EPHB2: variants seen among roughly 807,000 people sequenced by gnomAD.
EPHB2 encodes the protein EPH receptor B2.
EPHB2 carries 18 observed loss-of-function variants against 96.4 expected under a neutral mutation model. That is an observed-to-expected ratio of 0.19 (90% CI 0.13 to 0.28). EPHB2 has a LOEUF of 0.28. EPHB2 is among the 10% of genes least tolerant of loss of function. The probability of loss-of-function intolerance (pLI) is 1.00; values close to 1 mark genes in which losing one functional copy is unlikely to be tolerated. For missense variants in EPHB2, 989 were observed against 1,355.4 expected, an observed-to-expected ratio of 0.73 and a Z score of 4.25; for synonymous variants, 506 against 534.1, an observed-to-expected ratio of 0.95 and a Z score of 0.72.
At chr1:22,896,345 C>A in intron 8 of EPHB2, 69 bp from the exon 9 acceptor site, 2 of 1,606,298 alleles carry the variant, frequency 1.2e-6, no homozygotes, top group South Asian at 2.2e-5. Flanking sequence ...CTCTCCCTAT[C>A]ACCTACTGTG....
chr1:22,732,781 C>A (rs1026873200), intron 1 of EPHB2, among the ~76,000 whole-genome samples: 2 of 152,186 alleles, frequency 1.3e-5, no homozygotes, highest in Non-Finnish European at 2.9e-5. Context: ...GCTCCTCCTG[C>A]GTTCCTGGGC....
chr1:22,843,507 C>T (rs575787394), intron 3 of EPHB2, among the ~76,000 whole-genome samples: 6 of 152,214 alleles, frequency 3.9e-5, no homozygotes, highest in Admixed American at 1.3e-4. Flanking sequence ...ACCCTCCACC[C>T]TCAAGTAGGC....
intron 15 of EPHB2, chr1:22,912,877 AT>A: frequency 2.2e-6 from 1 of 460,214 alleles, no homozygotes; most frequent in Admixed American, 3.2e-5. Context: ...TGAGGGAGAT[AT>A]AAAGGAAGCG....
intron 9 of EPHB2, among the ~76,000 whole-genome samples, chr1:22,896,951 T>C (rs1639584994): frequency 6.6e-6 from 1 of 152,146 alleles, no homozygotes; most frequent in Non-Finnish European, 1.5e-5. Context: ...AATAAATGAA[T>C]CAAACTGAAT....
At chr1:22,801,040 C>T (rs1413884365) in intron 3 of EPHB2, among the ~76,000 whole-genome samples, 1 of 152,220 alleles carries the variant, frequency 6.6e-6, no homozygotes, top group Non-Finnish European at 1.5e-5. Context: ...CAGGTGGGCA[C>T]AGCAGCCCTG....
intron 13 of EPHB2, among the ~76,000 whole-genome samples, chr1:22,910,043 T>C (rs181572681): frequency 1.3e-5 from 2 of 152,076 alleles, no homozygotes; most frequent in Admixed American, 6.5e-5. Context: ...CTTGGGGTCA[T>C]CCAAGCCAAG....
At chr1:22,856,177 G>A (rs566049816) in intron 3 of EPHB2, among the ~76,000 whole-genome samples, 3 of 152,310 alleles carry the variant, frequency 2.0e-5, no homozygotes, top group East Asian at 3.9e-4. Context: ...AGAGGCAGCA[G>A]GCCAGCCATT....
At chr1:22,852,542 G>C (rs550973518) in intron 3 of EPHB2, among the ~76,000 whole-genome samples, 1 of 152,368 alleles carries the variant, frequency 6.6e-6, no homozygotes, top group Non-Finnish European at 1.5e-5. Flanking sequence ...AGCCCCCACT[G>C]TGGGGAAGCT....
chr1:22,873,746 A>G (rs1323841013), intron 5 of EPHB2, among the ~76,000 whole-genome samples: 2 of 152,204 alleles, frequency 1.3e-5, no homozygotes, highest in Admixed American at 1.3e-4. Context: ...GTCTCTGGCT[A>G]TCACATCCAT....
rs1422624342 is a variant in EPHB2, at chr1:22,906,556, A to G, written c.1889-154A>G. 1.3e-5 allele frequency among the ~76,000 whole-genome samples: 2 copies of G among 152,132 alleles called. No individual in the cohort carries two copies. ...TGACTGGAACTTTTCTGGACCCCTG[A>G]CATTCTTGAAGGGGTTCTGTGTCTG... On this transcript the variant is annotated intron_variant, in intron 10 of 15. Coordinates refer to ENST00000374630, the MANE Select transcript of EPHB2 (RefSeq NM_017449.5). This position sits in a 1 kb window ranked among gnomAD's most constrained non-coding sequence, Gnocchi z 4.8.
intron 1 of EPHB2, among the ~76,000 whole-genome samples, chr1:22,752,315 C>T (rs374408949): frequency 1.3e-5 from 2 of 152,046 alleles, no homozygotes; most frequent in African/African-American, 4.8e-5. Context: ...CTGGGAAACA[C>T]GGCGAAAACC....
chr1:22,808,136 AAAAAAG>A (rs1305340566), intron 3 of EPHB2, among the ~76,000 whole-genome samples: 59 of 152,166 alleles, frequency 3.9e-4, no homozygotes, highest in African/African-American at 1.3e-3. Flanking sequence ...TGTCACAAAA[AAAAAAG>A]AAAAAGAAAA....
At chr1:22,883,379 C>T (rs1639114023) in intron 6 of EPHB2, among the ~76,000 whole-genome samples, 2 of 152,212 alleles carry the variant, frequency 1.3e-5, no homozygotes, top group African/African-American at 2.4e-5. Context: ...CACAATTGCC[C>T]ACCCACATGG....
intron 1 of EPHB2, among the ~76,000 whole-genome samples, chr1:22,764,759 T>C (rs1457048857): frequency 2.6e-5 from 4 of 151,516 alleles, no homozygotes; most frequent in Non-Finnish European, 5.9e-5. Flanking sequence ...AAATGACTGC[T>C]GAGGCCACTC....
Position 22,903,739 on chromosome 1 carries a change from A to G in EPHB2, c.1766-2248A>G, listed in dbSNP as rs183232904. 7.2e-5 allele frequency among the ~76,000 whole-genome samples: 11 copies of G among 152,338 alleles called. No homozygotes were observed. The East Asian group carries it at 9.6e-4, about 13-fold the overall frequency. On this transcript the variant is annotated intron_variant, in intron 9 of 15. Coordinates refer to ENST00000374630, the MANE Select transcript of EPHB2 (RefSeq NM_017449.5). ...GGCTCAGTAAGTGACAGCTGCTATT[A>G]TGATTCTGTCTGTGTCATTTGGATT...
intron 3 of EPHB2, among the ~76,000 whole-genome samples, chr1:22,820,915 C>T (rs1460389839): frequency 1.3e-5 from 2 of 152,142 alleles, no homozygotes; most frequent in Admixed American, 6.5e-5. Context: ...TTTGAATCCA[C>T]GGCATGCACT....
At chr1:22,779,731 C>A (rs888644004) in intron 1 of EPHB2, among the ~76,000 whole-genome samples, 77 of 152,380 alleles carry the variant, frequency 5.1e-4, no homozygotes, top group African/African-American at 1.8e-3. Context: ...CATCCCTGTG[C>A]TTCAGTTGCC....
chr1:22,739,184 G>T (rs1232036533), intron 1 of EPHB2, among the ~76,000 whole-genome samples: 1 of 151,796 alleles, frequency 6.6e-6, no homozygotes, highest in Non-Finnish European at 1.5e-5. Context: ...GGGATTACAG[G>T]CATTTGCCAC....
chr1:22,772,163 A>C (rs1644387712), intron 1 of EPHB2, among the ~76,000 whole-genome samples: 1 of 151,976 alleles, frequency 6.6e-6, no homozygotes, highest in Non-Finnish European at 1.5e-5. Flanking sequence ...ACTCTCCCAA[A>C]GCCCTGGCTG....
Sources: allele counts gnomAD v4.1 joint callset (sites outside exome capture counted in the v4.1 genomes callset), GRCh38; gene constraint gnomAD v4.1.1; non-coding constraint Gnocchi (gnomAD v3.1); transcripts MANE v1.5; gene names NCBI Gene and HGNC (gene_info 2026-07-23, HGNC 2026-07-21).